The following FRMD6 variants were observed in gnomAD, a reference collection of about 807,000 sequenced individuals.
The protein encoded by FRMD6 is FERM domain-containing protein 6.
In FRMD6, 37 loss-of-function variants were observed where a neutral mutation model predicts 73.2. The observed-to-expected ratio is 0.51, with a 90% confidence interval of 0.39 to 0.66. The LOEUF (loss-of-function observed/expected upper bound fraction) is 0.66, where lower values mean the gene tolerates loss of function less well. FRMD6 is among the 30% of genes least tolerant of loss of function. The pLI is 0.00. For missense variants in FRMD6, 714 were observed against 780.5 expected (o/e 0.91, Z 1.02); for synonymous variants, 273 against 282.2 (o/e 0.97, Z 0.33).
intron 2 of FRMD6, among the ~76,000 whole-genome samples, chr14:51,580,562 T>A (rs1187640705): frequency 6.6e-6 from 1 of 152,134 alleles, no homozygotes; most frequent in African/African-American, 2.4e-5. Context: ...ACCCAAGAAC[T>A]GCAACATCAG....
intron 1 of FRMD6, among the ~76,000 whole-genome samples, chr14:51,664,734 G>A (rs1010820208): frequency 6.6e-6 from 1 of 152,220 alleles, no homozygotes; most frequent in Non-Finnish European, 1.5e-5. Context: ...TGTGGTATAT[G>A]CATATAATGT....
At chr14:51,701,515 A>C (rs191819226) in intron 4 of FRMD6, among the ~76,000 whole-genome samples, 1 of 146,424 alleles carries the variant, frequency 6.8e-6, no homozygotes, top group East Asian at 2.0e-4. Context: ...TGGGAAAAGA[A>C]AATTATAAGT....
chr14:51,459,884 C>T, the FRMD6 span, among the ~76,000 whole-genome samples: 315 of 74,636 alleles, frequency 4.2e-3, 6 homozygotes, highest in African/African-American at 0.016. Context: ...TACTGACTCT[C>T]TTTTTTTTTT....
chr14:51,588,475 T>G (rs1417470473), intron 2 of FRMD6, among the ~76,000 whole-genome samples: 1 of 152,174 alleles, frequency 6.6e-6, no homozygotes, highest in African/African-American at 2.4e-5. Flanking sequence ...TACTTGATTA[T>G]GTAGGAAAAT....
chr14:51,716,447 C>T (rs113475509), intron 10 of FRMD6, among the ~76,000 whole-genome samples: 8 of 152,032 alleles, frequency 5.3e-5, no homozygotes, highest in African/African-American at 1.9e-4. Context: ...GGTGAAGATT[C>T]ATATTTTAGG....
chr14:51,617,537 T>C (rs958150457), intron 2 of FRMD6, among the ~76,000 whole-genome samples: 2 of 152,188 alleles, frequency 1.3e-5, no homozygotes, highest in Non-Finnish European at 2.9e-5. Flanking sequence ...TAATATGATA[T>C]ATTGCTGCAC....
chr14:51,702,664 G>A (rs916563984), intron 5 of FRMD6, 76 bp downstream of exon 5: 5 of 1,155,160 alleles, frequency 4.3e-6, no homozygotes, highest in East Asian at 2.4e-5. Context: ...AATAAGTTAC[G>A]TGTGTTTATT....
chr14:51,513,603 G>A (rs937652571), intron 1 of FRMD6, among the ~76,000 whole-genome samples: 3 of 145,924 alleles, frequency 2.1e-5, no homozygotes, highest in African/African-American at 7.7e-5. Context: ...AACATTCTTG[G>A]ATGCTTCCTG....
chr14:51,639,844 A>C (rs1891741580), intron 2 of FRMD6, among the ~76,000 whole-genome samples: 1 of 152,250 alleles, frequency 6.6e-6, no homozygotes, highest in Non-Finnish European at 1.5e-5. Flanking sequence ...AGGCAGCATC[A>C]AAAGAGCAAG....
chr14:51,559,570 T>G (rs1194438499), intron 1 of FRMD6, among the ~76,000 whole-genome samples: 1 of 152,114 alleles, frequency 6.6e-6, no homozygotes, highest in Non-Finnish European at 1.5e-5. Flanking sequence ...TCCTCTGACA[T>G]TCTTCACAAT....
upstream of FRMD6, among the ~76,000 whole-genome samples, chr14:51,484,770 T>C (rs1882730592): frequency 6.6e-6 from 1 of 152,198 alleles, no homozygotes; most frequent in African/African-American, 2.4e-5. Context: ...GAAAGTGAAG[T>C]GGATGATGAG....
At chr14:51,657,165 A>G (rs1301264927) in intron 1 of FRMD6, among the ~76,000 whole-genome samples, 1 of 151,870 alleles carries the variant, frequency 6.6e-6, no homozygotes, top group Non-Finnish European at 1.5e-5. Flanking sequence ...AATGTAATTA[A>G]TTTTCTCCCC....
intron 2 of FRMD6, among the ~76,000 whole-genome samples, chr14:51,609,392 A>G (rs1890396561): frequency 6.6e-6 from 1 of 152,252 alleles, no homozygotes; most frequent in South Asian, 2.1e-4. Flanking sequence ...ACATAAACAA[A>G]CAATGACTCT....
In FRMD6 at chr14:51,536,097, T is replaced by TATAG. The variant is rs1555373500; in HGVS notation, c.-209-34250_-209-34249insTAGA. On this transcript the variant is annotated intron_variant, in intron 1 of 14. Coordinates refer to the FRMD6 transcript ENST00000356218. ...TATATTTTATATATATATATATATA[T>TATAG]AGAGAGAGAGAGAGAGAAACAGGGT... Among the ~76,000 whole-genome samples the TATAG allele has an allele frequency of 5.2e-5, 7 of 135,844 alleles. No homozygotes were observed. In the East Asian group the frequency reaches 1.3e-3, roughly 25 times the overall value. 89.1% of individuals were successfully genotyped at this position (135,844 alleles called of 152,430 possible).
At chr14:51,691,529 C>A (rs1003520285) in intron 2 of FRMD6, among the ~76,000 whole-genome samples, 1 of 149,694 alleles carries the variant, frequency 6.7e-6, no homozygotes, top group Admixed American at 6.7e-5. Flanking sequence ...TGCCTTAGTG[C>A]ATGACTTGAA....
chr14:51,486,612 C>A (rs190303942), upstream of FRMD6, among the ~76,000 whole-genome samples: 1 of 152,366 alleles, frequency 6.6e-6, no homozygotes, highest in Admixed American at 6.5e-5. Context: ...ATACTTGTAT[C>A]TTCGTGGACA....
At chr14:51,718,719 A>G (rs1381642745) in intron 10 of FRMD6, among the ~76,000 whole-genome samples, 1 of 152,186 alleles carries the variant, frequency 6.6e-6, no homozygotes. Context: ...CTTTCTCTGT[A>G]GCAACACATA....
intron 1 of FRMD6, among the ~76,000 whole-genome samples, chr14:51,660,613 GAAAAA>G (rs10605746): frequency 8.6e-5 from 12 of 139,568 alleles, no homozygotes; most frequent in African/African-American, 3.2e-4. Flanking sequence ...TAAAATAAAG[GAAAAA>G]AAAAAAAAAA....
the FRMD6 span, among the ~76,000 whole-genome samples, chr14:51,472,590 T>C: frequency 6.6e-6 from 1 of 152,080 alleles, no homozygotes; most frequent in Non-Finnish European, 1.5e-5. Context: ...GGTGTGAGCC[T>C]CCGCACCCAG....
Sources: gnomAD v4.1 joint callset for allele counts (sites outside exome capture counted in the v4.1 genomes callset) on GRCh38, gnomAD v4.1.1 for gene constraint, MANE v1.5 for transcripts, NCBI Gene and HGNC (gene_info 2026-07-23, HGNC 2026-07-21) for gene names.